NAT1: variants seen among roughly 807,000 people sequenced by gnomAD.
The protein encoded by NAT1 is arylamine N-acetyltransferase 1.
For synonymous variants in NAT1, 144 were observed against 122.6 expected, an observed-to-expected ratio of 1.17 and a Z score of -1.16; for missense variants, 400 against 339.2, an observed-to-expected ratio of 1.18 and a Z score of -1.41.
intron 2 of NAT1, among the ~76,000 whole-genome samples, chr8:18,193,975 G>A (rs181111747): frequency 1.3e-5 from 2 of 152,130 alleles, no homozygotes; most frequent in East Asian, 1.9e-4. Flanking sequence ...AAATATACAC[G>A]GTTGCATGCA....
chr8:18,207,901 G>A (rs999821786), upstream of NAT1, among the ~76,000 whole-genome samples: 2 of 152,190 alleles, frequency 1.3e-5, no homozygotes, highest in Non-Finnish European at 2.9e-5. Context: ...CAAAGAAACT[G>A]TGGTACATAT....
At chr8:18,214,690 A>G (rs995265707) in intron 1 of NAT1, among the ~76,000 whole-genome samples, 1 of 151,974 alleles carries the variant, frequency 6.6e-6, no homozygotes, top group Non-Finnish European at 1.5e-5. Flanking sequence ...CTTTACATAC[A>G]TTTTTCTTAA....
At chr8:18,188,994 C>CAAA (rs55636901) in intron 2 of NAT1, among the ~76,000 whole-genome samples, 6 of 83,128 alleles carry the variant, frequency 7.2e-5, no homozygotes, top group Non-Finnish European at 9.5e-5. Flanking sequence ...GACTCCGACT[C>CAAA]AAAAAAAAAA....
chr8:18,209,139 G>C (rs1803866913), upstream of NAT1, among the ~76,000 whole-genome samples: 1 of 152,190 alleles, frequency 6.6e-6, no homozygotes, highest in South Asian at 2.1e-4. Context: ...AAGATATGTG[G>C]CCTCCAACTC....
At chr8:18,216,439 A>G (rs1395289698) in intron 1 of NAT1, among the ~76,000 whole-genome samples, 1 of 152,158 alleles carries the variant, frequency 6.6e-6, no homozygotes, top group Admixed American at 6.6e-5. Context: ...AGTCAGGGCA[A>G]TCAATTTGGC....
At chr8:18,218,539 A>C (rs1426092816) in intron 1 of NAT1, among the ~76,000 whole-genome samples, 1 of 152,198 alleles carries the variant, frequency 6.6e-6, no homozygotes, top group East Asian at 1.9e-4. Flanking sequence ...GGGCTTTCTA[A>C]ATCAGGTGGG....
intron 2 of NAT1, among the ~76,000 whole-genome samples, chr8:18,203,060 C>T (rs2117298773): frequency 6.6e-6 from 1 of 152,270 alleles, no homozygotes; most frequent in Admixed American, 6.5e-5. Flanking sequence ...CATTTACAAT[C>T]CTTTAGCTAG....
Position 18,223,068 on chromosome 8 carries a change from T to TA in NAT1, c.*150dup, listed in dbSNP as rs1281108240. On this transcript the variant is annotated 3_prime_UTR_variant, in exon 3 of 3. Transcript: ENST00000307719. ...TCACCTATAAAAATGTCATCATATA[T>TA]AATTAAACAGCTTTTTAAAGAAACA... is the stretch of plus-strand genomic sequence containing the variant. 26 of 416,866 alleles carry TA rather than the reference T, an allele frequency of 6.2e-5. No individual in the cohort carries two copies. The Admixed American group carries it at 1.2e-3, about 20-fold the overall frequency. The allele number at this position is 416,866 out of a possible 1,614,324, so 25.8% of individuals were successfully genotyped here.
intron 1 of NAT1, among the ~76,000 whole-genome samples, chr8:18,210,855 T>A (rs959004222): frequency 2.6e-5 from 4 of 152,218 alleles, no homozygotes; most frequent in African/African-American, 9.6e-5. Flanking sequence ...GCTTAGTGCA[T>A]CCTCCTCCTC....
At chr8:18,185,928 C>T (rs2106040) in intron 2 of NAT1, among the ~76,000 whole-genome samples, 45,554 of 151,972 alleles carry the variant, frequency 0.3, 8,871 homozygotes, top group African/African-American at 0.55. Flanking sequence ...TAAGTGTCCT[C>T]CTAAATTTAC....
intron 1 of NAT1, among the ~76,000 whole-genome samples, chr8:18,213,546 C>T (rs1804319347): frequency 6.6e-6 from 1 of 152,086 alleles, no homozygotes; most frequent in African/African-American, 2.4e-5. Context: ...GGACTTTTCA[C>T]TCTAACCAAC....
intron 2 of NAT1, among the ~76,000 whole-genome samples, chr8:18,189,041 A>C (rs1261607433): frequency 1.3e-5 from 2 of 150,720 alleles, no homozygotes; most frequent in African/African-American, 4.9e-5. Flanking sequence ...AAATCAGTGT[A>C]TTTTTTGCCT....
chr8:18,185,724 G>C (rs1326656563), intron 2 of NAT1, among the ~76,000 whole-genome samples: 1 of 151,798 alleles, frequency 6.6e-6, no homozygotes, highest in Non-Finnish European at 1.5e-5. Context: ...TCTTGAGCTA[G>C]ATATTTTAGA....
intron 2 of NAT1, among the ~76,000 whole-genome samples, chr8:18,175,774 T>C (rs1272784061): frequency 6.6e-6 from 1 of 152,112 alleles, no homozygotes; most frequent in South Asian, 2.1e-4. Flanking sequence ...TTTTAGTTTT[T>C]TTGAGGAAAC....
In NAT1 at chr8:18,222,488, T is replaced by G. The variant is rs772240190; in HGVS notation, c.441T>G (p.Pro147=). The G allele has an allele frequency of 3.7e-6, 6 of 1,613,898 alleles. No individual in the cohort carries two copies. The Admixed American group carries it at 5.0e-5, about 13-fold the overall frequency. The part of the protein sequence containing the change: ...LISGKDQPQV[P]CVFRLTEENG... Reference sequence around the variant, plus strand: ...CTGGGAAGGATCAGCCTCAGGTGCCTTGTGTCTTCCGTTTGACGGAAGAGA... The same window carrying G: ...CTGGGAAGGATCAGCCTCAGGTGCCGTGTGTCTTCCGTTTGACGGAAGAGA... Residue 147 remains proline (P), a synonymous_variant, in exon 3 of 3, where the codon CCT becomes CCG. Coordinates refer to ENST00000307719, the MANE Select transcript of NAT1 (RefSeq NM_000662.8).
At chr8:18,220,042 C>T (rs191195252) in intron 2 of NAT1, among the ~76,000 whole-genome samples, 284 of 152,280 alleles carry the variant, frequency 1.9e-3, no homozygotes, top group African/African-American at 6.3e-3. Flanking sequence ...AAACCGCCTT[C>T]GTCCTTTTAG....
chr8:18,189,725 C>A (rs1378317455), intron 2 of NAT1, among the ~76,000 whole-genome samples: 1 of 152,186 alleles, frequency 6.6e-6, no homozygotes, highest in African/African-American at 2.4e-5. Context: ...TGCATGATGA[C>A]TGTGAAGCTT....
At chr8:18,213,142 C>G (rs1348509385) in intron 1 of NAT1, among the ~76,000 whole-genome samples, 6 of 151,438 alleles carry the variant, frequency 4.0e-5, no homozygotes, top group Non-Finnish European at 7.4e-5. Context: ...GAACTCCTGA[C>G]CTCAAGTGAT....
At chr8:18,216,795 G>A (rs1470082639) in intron 1 of NAT1, 11 of 787,486 alleles carry the variant, frequency 1.4e-5, no homozygotes, top group Non-Finnish European at 2.0e-5. Flanking sequence ...GGTATGATGA[G>A]AATTTAGAAG....
Sources: allele counts gnomAD v4.1 joint callset (sites outside exome capture counted in the v4.1 genomes callset), GRCh38; gene constraint gnomAD v4.1.1; transcripts MANE v1.5; gene names NCBI Gene and HGNC (gene_info 2026-07-23, HGNC 2026-07-21).